DAB1: variants seen among roughly 807,000 people sequenced by gnomAD.
DAB1 encodes DAB adaptor protein 1.
In DAB1, 15 loss-of-function variants were observed where a neutral mutation model predicts 64.6. The ratio of observed to expected loss-of-function variants is 0.23; its 90% confidence interval spans 0.16 to 0.36. The LOEUF is 0.36. Ranked by LOEUF, DAB1 falls within the 10% of genes least tolerant of loss-of-function variation. The pLI is 1.00. For missense variants in DAB1, 596 were observed against 706.7 expected, an observed-to-expected ratio of 0.84 and a Z score of 1.78; for synonymous variants, 235 against 251.9, an observed-to-expected ratio of 0.93 and a Z score of 0.64.
chr1:57,890,653 CTA>C (rs957386146), intron 5 of DAB1, among the ~76,000 whole-genome samples: 44 of 152,058 alleles, frequency 2.9e-4, no homozygotes, highest in Middle Eastern at 3.4e-3. Flanking sequence ...CAAGGTATCC[CTA>C]TGTTTCCCAG....
rs1649259633 is a variant in DAB1, at chr1:57,765,230, A to AAGGGAGGCTGTG, written n.552-115577_552-115566dup. ...TTTAAACACGCTATGTTTTGTTGTC[A>AAGGGAGGCTGTG]AGGGAGGCTGTGAGGATATATTCCC... On this transcript the variant is annotated intron_variant and non_coding_transcript_variant, in intron 6 of 20. Coordinates refer to the DAB1 transcript ENST00000485760. Among the ~76,000 whole-genome samples, 3 of 152,294 alleles carry AAGGGAGGCTGTG rather than the reference A, an allele frequency of 2.0e-5. No individual in the cohort carries two copies. In the East Asian group the frequency reaches 5.8e-4, roughly 29 times the overall value.
intron 5 of DAB1, among the ~76,000 whole-genome samples, chr1:58,043,790 C>T (rs149198869): frequency 2.8e-3 from 428 of 152,170 alleles, no homozygotes; most frequent in African/African-American, 0.01. Flanking sequence ...TGCAGTGGCA[C>T]GATCTCGGCT....
chr1:58,495,921 C>T (rs967926732), intron 3 of DAB1, among the ~76,000 whole-genome samples: 6 of 152,088 alleles, frequency 3.9e-5, no homozygotes, highest in Admixed American at 1.3e-4. Flanking sequence ...CTTGTAAAAG[C>T]CTGTCTTTGC....
intron 1 of DAB1, among the ~76,000 whole-genome samples, chr1:57,846,692 T>G (rs1336009718): frequency 6.6e-6 from 1 of 152,134 alleles, no homozygotes; most frequent in African/African-American, 2.4e-5. Context: ...TTCCAGGGCA[T>G]CTAGAACTAC....
At chr1:58,516,004 T>C (rs1646152458) in intron 2 of DAB1, among the ~76,000 whole-genome samples, 1 of 152,232 alleles carries the variant, frequency 6.6e-6, no homozygotes, top group South Asian at 2.1e-4. Context: ...ATGGTGCTAT[T>C]GGCACAGTTA....
chr1:57,238,844 C>CACACACACACACAT lies in DAB1; in HGVS notation c.67+52119_67+52120insATGTGTGTGTGTGT, dbSNP rs1395690029. On this transcript the variant is annotated intron_variant, in intron 2 of 14. Coordinates refer to ENST00000371236, the MANE Select transcript of DAB1 (RefSeq NM_001365792.1). ...ACTGGCAGGCGTGTGCACATGCGCACACACACACACACACATACACACACA... is the reference window on the plus strand; with the variant it reads ...ACTGGCAGGCGTGTGCACATGCGCACACACACACACACATACACACACACACACATACACACACA... 5.2e-4 allele frequency among the ~76,000 whole-genome samples: 26 copies of CACACACACACACAT among 50,124 alleles called. No individual in the cohort carries two copies. The East Asian group carries it at 0.017, about 32-fold the overall frequency. The allele number at this position is 50,124 out of a possible 152,430, so 32.9% of individuals were successfully genotyped here. A position where few individuals can be genotyped will look rare whatever the true frequency, so the allele number is the denominator to read the frequency against.
chr1:57,164,617 T>C (rs892359619), intron 2 of DAB1, among the ~76,000 whole-genome samples: 5 of 152,110 alleles, frequency 3.3e-5, no homozygotes. Flanking sequence ...AACATGTAAA[T>C]GTAGAATTCT....
At chr1:58,045,533 C>A (rs946567498) in intron 5 of DAB1, among the ~76,000 whole-genome samples, 3 of 152,170 alleles carry the variant, frequency 2.0e-5, no homozygotes, top group African/African-American at 7.2e-5. Flanking sequence ...AGAAACCATC[C>A]TGGGGGAACT....
intron 6 of DAB1, among the ~76,000 whole-genome samples, chr1:57,716,154 C>G (rs561481346): frequency 5.3e-5 from 8 of 152,232 alleles, no homozygotes; most frequent in African/African-American, 1.9e-4. Flanking sequence ...GTGATCCACC[C>G]GCCTTGGCCT....
chr1:57,366,231 TTA>T (rs1558247222), intron 1 of DAB1, among the ~76,000 whole-genome samples: 1 of 152,222 alleles, frequency 6.6e-6, no homozygotes, highest in Non-Finnish European at 1.5e-5. Context: ...TCTTTCCTGT[TTA>T]TGAGTCCGTT....
At chr1:57,445,910 T>G (rs1049767709) in intron 7 of DAB1, among the ~76,000 whole-genome samples, 7 of 152,168 alleles carry the variant, frequency 4.6e-5, no homozygotes, top group Non-Finnish European at 1.0e-4. Flanking sequence ...TGGTACATAA[T>G]GAAAAAAAAC....
At chr1:58,184,925 G>A (rs1466069242) in intron 4 of DAB1, among the ~76,000 whole-genome samples, 1 of 152,180 alleles carries the variant, frequency 6.6e-6, no homozygotes, top group Admixed American at 6.6e-5. Flanking sequence ...GGCTGAATAT[G>A]TGTCTAAGGG....
In DAB1 at chr1:57,312,606, T is replaced by C. The variant is rs1024539237; in HGVS notation, c.-136-21440A>G. 2.0e-5 allele frequency among the ~76,000 whole-genome samples: 3 copies of C among 152,304 alleles called. No individual in the cohort carries two copies. In the East Asian group the frequency reaches 5.8e-4, roughly 29 times the overall value. ...GGAACATCACCAGGGCCCAGGCTAA[T>C]GCATCCAGGATCTGATTTAGTTGTT... On this transcript the variant is annotated intron_variant, in intron 1 of 14. Transcript: ENST00000371236.
intron 7 of DAB1, among the ~76,000 whole-genome samples, chr1:57,497,498 A>C (rs1455381778): frequency 1.3e-5 from 2 of 152,332 alleles, no homozygotes; most frequent in Non-Finnish European, 2.9e-5. Context: ...TTTCTAGTCT[A>C]GTGATGGATG....
At chr1:58,331,238 T>C (rs1053088478) in intron 4 of DAB1, among the ~76,000 whole-genome samples, 1 of 152,150 alleles carries the variant, frequency 6.6e-6, no homozygotes, top group Non-Finnish European at 1.5e-5. Flanking sequence ...ACCAGAAAAC[T>C]AGAATTAGAA....
chr1:57,452,824 G>T (rs1686437460), intron 7 of DAB1, among the ~76,000 whole-genome samples: 1 of 151,806 alleles, frequency 6.6e-6, no homozygotes, highest in African/African-American at 2.4e-5. Context: ...CTGGCCCAAA[G>T]TAGGCACTCA....
At chr1:57,222,396 T>C (rs535923834) in intron 2 of DAB1, among the ~76,000 whole-genome samples, 16 of 152,156 alleles carry the variant, frequency 1.1e-4, no homozygotes, top group Non-Finnish European at 2.1e-4. Flanking sequence ...ATGGGAGCAA[T>C]AATAAGTCAG....
chr1:57,333,048 C>T (rs920235151), intron 1 of DAB1, among the ~76,000 whole-genome samples: 6 of 152,170 alleles, frequency 3.9e-5, no homozygotes, highest in Non-Finnish European at 7.3e-5. Context: ...AGAGGTCATC[C>T]CCAAGTACAC....
At chr1:58,164,391 C>A (rs1055603334) in intron 4 of DAB1, among the ~76,000 whole-genome samples, 4 of 152,186 alleles carry the variant, frequency 2.6e-5, no homozygotes, top group Admixed American at 1.3e-4. Context: ...TATGTGTCAG[C>A]AAAGAACATA....
Sources: allele counts gnomAD v4.1 joint callset (sites outside exome capture counted in the v4.1 genomes callset), GRCh38; gene constraint gnomAD v4.1.1; transcripts MANE v1.5; gene names NCBI Gene and HGNC (gene_info 2026-07-23, HGNC 2026-07-21).